Variants in PAPSS2 observed in about 807,000 individuals in gnomAD.
The protein encoded by PAPSS2 is bifunctional 3'-phosphoadenosine 5'-phosphosulfate synthase 2.
In PAPSS2, 61 loss-of-function variants were observed where a neutral mutation model predicts 66.5. The ratio of observed to expected loss-of-function variants is 0.92; its 90% CI spans 0.75 to 1.14. The LOEUF (loss-of-function observed/expected upper bound fraction) is 1.14, where lower values mean the gene tolerates loss of function less well. PAPSS2 is among the 50% of genes most tolerant of loss of function. PAPSS2 has a pLI of 0.00. For missense variants in PAPSS2, 708 were observed against 789.6 expected (o/e 0.90, Z 1.24); for synonymous variants, 289 against 287.5 (o/e 1.01, Z -0.05).
intron 1 of PAPSS2, among the ~76,000 whole-genome samples, chr10:87,692,465 A>G (rs1853183628): frequency 6.6e-6 from 1 of 152,202 alleles, no homozygotes; most frequent in African/African-American, 2.4e-5. Context: ...AGAGAGGAAT[A>G]TGGCAAGGAG....
In PAPSS2 at chr10:87,690,387, CAG is replaced by C. The variant is rs372230913; in HGVS notation, c.28-18806_28-18805del. Among the ~76,000 whole-genome samples the C allele has an allele frequency of 1.6e-3, 250 of 152,194 alleles. 1 individual carries two copies. Among genetic ancestry groups the C allele is most frequent in the African/African-American group, 5.6e-3 (234 of 41,528 alleles). On this transcript the variant is annotated intron_variant, in intron 1 of 12. Coordinates refer to ENST00000456849, the MANE Select transcript of PAPSS2 (RefSeq NM_001015880.2). ...TTAAAATTTATGCATAAAAAACTGA[CAG>C]AGCATGTAAGGAACGAATAGAAATG...
chr10:87,731,860 T>G (rs969923227), intron 9 of PAPSS2, among the ~76,000 whole-genome samples: 2 of 152,226 alleles, frequency 1.3e-5, no homozygotes, highest in African/African-American at 4.8e-5. Flanking sequence ...AATCGTTTTT[T>G]TGAGATAGAA....
chr10:87,743,553 C>CGGCTGTGCTCGAGGAAGGGGTCCTG lies in PAPSS2; in HGVS notation c.1405_1429dup (p.Asp477GlyfsTer58). Reference sequence around the variant, plus strand: ...CTAGACTGGCGGATGAAGCAGCACGCGGCTGTGCTCGAGGAAGGGGTCCTG... The same window carrying CGGCTGTGCTCGAGGAAGGGGTCCTG: ...CTAGACTGGCGGATGAAGCAGCACGCGGCTGTGCTCGAGGAAGGGGTCCTGGGCTGTGCTCGAGGAAGGGGTCCTG... On this transcript the variant is annotated frameshift_variant, in exon 11 of 13. Coordinates refer to ENST00000456849, the MANE Select transcript of PAPSS2 (RefSeq NM_001015880.2). LOFTEE classifies it high-confidence loss of function. The CGGCTGTGCTCGAGGAAGGGGTCCTG allele has an allele frequency of 6.2e-7, 1 of 1,614,084 alleles. No homozygotes were observed. Among genetic ancestry groups the CGGCTGTGCTCGAGGAAGGGGTCCTG allele is most frequent in the Non-Finnish European group, 8.5e-7 (1 of 1,179,984 alleles).
intron 1 of PAPSS2, among the ~76,000 whole-genome samples, chr10:87,665,333 T>TC (rs1852801822): frequency 6.6e-6 from 1 of 152,072 alleles, no homozygotes; most frequent in Non-Finnish European, 1.5e-5. Flanking sequence ...TGCCTCAGCC[T>TC]CCCGAGTAGC....
intron 4 of PAPSS2, 82 bp downstream of exon 4, chr10:87,714,264 T>G: frequency 6.6e-7 from 1 of 1,516,596 alleles, no homozygotes; most frequent in Non-Finnish European, 9.1e-7. Context: ...AAATCTTCCT[T>G]GAGTTTCAAA....
At chr10:87,744,551 G>A (rs1164573284) in intron 11 of PAPSS2, among the ~76,000 whole-genome samples, 1 of 152,220 alleles carries the variant, frequency 6.6e-6, no homozygotes, top group Non-Finnish European at 1.5e-5. Flanking sequence ...GCTTTAAAGA[G>A]GGTAAGTGTT....
Position 87,681,729 on chromosome 10 carries a change from T to C in PAPSS2, c.27+21721T>C, listed in dbSNP as rs142691533. Among the ~76,000 whole-genome samples the C allele has an allele frequency of 4.0e-3, 604 of 152,354 alleles. 1 individual carries two copies. The highest frequency in any genetic ancestry group is 6.3e-3 in the Non-Finnish European group (428 of 68,042). On this transcript the variant is annotated intron_variant, in intron 1 of 12. Transcript: ENST00000456849. ...ATTCCTACTCCAAGTTCCGAGAAGC[T>C]ACCAGTCTACTTTCTGTCTCCTGAT...
chr10:87,693,583 T>C (rs1158754020), intron 1 of PAPSS2, among the ~76,000 whole-genome samples: 1 of 152,240 alleles, frequency 6.6e-6, no homozygotes, highest in Non-Finnish European at 1.5e-5. Context: ...GCTCAGAGCA[T>C]GTGGCGCGTT....
chr10:87,667,968 A>G (rs768261440), intron 1 of PAPSS2, among the ~76,000 whole-genome samples: 3 of 152,290 alleles, frequency 2.0e-5, no homozygotes, highest in Non-Finnish European at 4.4e-5. Flanking sequence ...TCATACCACA[A>G]TTACTTTTTT....
chr10:87,680,623 AAT>A (rs755279729), intron 1 of PAPSS2, among the ~76,000 whole-genome samples: 1 of 152,116 alleles, frequency 6.6e-6, no homozygotes, highest in Non-Finnish European at 1.5e-5. Context: ...CATACAGAAA[AAT>A]ATATAAATTT....
intron 2 of PAPSS2, among the ~76,000 whole-genome samples, chr10:87,711,623 T>C (rs1346237791): frequency 6.6e-6 from 1 of 152,216 alleles, no homozygotes; most frequent in Non-Finnish European, 1.5e-5. Context: ...TTTGATGAAG[T>C]TAGTGTTGAC....
In PAPSS2 at chr10:87,727,483, T is replaced by C. The variant is rs1476875239; in HGVS notation, c.1080T>C (p.His360=). Residue 360 remains histidine, a synonymous_variant, in exon 9 of 13, where the codon CAT becomes CAC. Transcript: ENST00000456849. The stretch of plus-strand genomic sequence containing the variant: ...GGACAACATGTACAAAACACCCCCA[T>C]ATCAAAGTAAGTCACAAAACCTTTG... ...VWGTTCTKHP[H]IKMVMESGDW... is the part of the protein sequence containing the mutation. The C allele has an allele frequency of 6.2e-7, 1 of 1,610,840 alleles. No homozygotes were observed. Among genetic ancestry groups the C allele is most frequent in the East Asian group, 2.2e-5 (1 of 44,796 alleles).
chr10:87,698,874 A>G lies in PAPSS2; in HGVS notation c.28-10322A>G, dbSNP rs1044239422. ...CGTTTCTAAAAAATAATCAAAAACA[A>G]CAATAAAACCCCTATGTTATGAAAT... On this transcript the variant is annotated intron_variant, in intron 1 of 12. Coordinates refer to ENST00000456849, the MANE Select transcript of PAPSS2 (RefSeq NM_001015880.2). Among the ~76,000 whole-genome samples, 10 of 152,220 alleles carry G rather than the reference A, an allele frequency of 6.6e-5. 1 individual carries two copies. Among genetic ancestry groups the G allele is most frequent in the Admixed American group, 1.3e-4 (2 of 15,288 alleles).
At chr10:87,725,882 T>TACACACACACACACAC (rs1324153679) in intron 8 of PAPSS2, among the ~76,000 whole-genome samples, 1 of 58,442 alleles carries the variant, frequency 1.7e-5, no homozygotes, top group East Asian at 1.1e-3. Flanking sequence ...AATATGTGTG[T>TACACACACACACACAC]ATACACACAC....
At chr10:87,674,547 A>T (rs1345617406) in intron 1 of PAPSS2, among the ~76,000 whole-genome samples, 1 of 152,186 alleles carries the variant, frequency 6.6e-6, no homozygotes, top group Non-Finnish European at 1.5e-5. Flanking sequence ...CAGCAATATT[A>T]GCAATACTTG....
intron 9 of PAPSS2, among the ~76,000 whole-genome samples, chr10:87,737,283 C>T (rs771007609): frequency 5.3e-5 from 8 of 151,920 alleles, no homozygotes; most frequent in Non-Finnish European, 1.0e-4. Context: ...CCTGAAGTCA[C>T]ATTTTCAGCT....
intron 1 of PAPSS2, among the ~76,000 whole-genome samples, chr10:87,666,976 G>C (rs1564706761): frequency 1.3e-5 from 2 of 152,170 alleles, no homozygotes; most frequent in African/African-American, 2.4e-5. Flanking sequence ...CTCAGCACCA[G>C]GGGCAGGACA....
chr10:87,660,249 C>G, intron 1 of PAPSS2: 2 of 601,912 alleles, frequency 3.3e-6, no homozygotes, highest in South Asian at 4.0e-5. Context: ...TTGGGGTCGC[C>G]GCGCCCGCGA....
rs916884529 is a variant in PAPSS2, at chr10:87,746,205, A to G, written c.*235A>G. 3 of 309,026 alleles carry G rather than the reference A, an allele frequency of 9.7e-6. No homozygotes were observed. Among genetic ancestry groups the G allele is most frequent in the African/African-American group, 6.7e-5 (3 of 45,098 alleles). 19.1% of individuals were successfully genotyped at this position (309,026 alleles called of 1,614,324 possible). ...TAAAAGCAATATTCTTATACATTTC[A>G]TAATAAAATTAGCTCTATGTATTTT... On this transcript the variant is annotated 3_prime_UTR_variant, in exon 13 of 13. Coordinates refer to ENST00000456849, the MANE Select transcript of PAPSS2 (RefSeq NM_001015880.2).
Sources: allele counts gnomAD v4.1 joint callset (sites outside exome capture counted in the v4.1 genomes callset), GRCh38; gene constraint gnomAD v4.1.1; transcripts MANE v1.5; gene names NCBI Gene and HGNC (gene_info 2026-07-23, HGNC 2026-07-21).